AGBL4: variants seen among roughly 807,000 people sequenced by gnomAD.
The protein encoded by AGBL4 is cytosolic carboxypeptidase 6.
In AGBL4, 58 loss-of-function variants were observed where a neutral mutation model predicts 66.4. The observed-to-expected ratio is 0.87, with a 90% CI of 0.71 to 1.09. AGBL4 has a LOEUF of 1.09. Ranked by LOEUF, AGBL4 falls within the 50% of genes least tolerant of loss-of-function variation. AGBL4 has a pLI of 0.00. For synonymous variants in AGBL4, 234 were observed against 222.9 expected (o/e 1.05, Z -0.44); for missense variants, 579 against 631.0 (o/e 0.92, Z 0.88).
chr1:48,534,221 C>T lies in AGBL4; in HGVS notation c.1464G>A (p.Gly488=), dbSNP rs1343603099. The T allele has an allele frequency of 6.4e-7, 1 of 1,551,638 alleles. No homozygotes were observed. Among genetic ancestry groups the T allele is most frequent in the African/African-American group, 1.4e-5 (1 of 73,114 alleles). The change falls in exon 14 of 14, where the codon GGG becomes GGA. Residue 488 remains glycine (G), a synonymous_variant. Transcript: ENST00000371839. ...TGTGGTTCACTGAGCTCTTCTTGTC[C>T]CCTTTGCTGTTGGGGTAGTTGCTGG... ...GPASNYPNSK[G]DKKSSVNHKD... is the part of the protein sequence containing the mutation.
chr1:49,193,703 A>ATT lies in AGBL4; in HGVS notation c.377+52065_377+52066dup, dbSNP rs34504540. Among the ~76,000 whole-genome samples the ATT allele has an allele frequency of 1.0e-4, 15 of 144,974 alleles. No homozygotes were observed. In the East Asian group the frequency reaches 2.6e-3, roughly 25 times the overall value. ...CCACCGTGCCAGGCTAATTTTTTGT[A>ATT]TTTTTTTTTTTAGTAGAGATGGGGT... On this transcript the variant is annotated intron_variant, in intron 4 of 13. Coordinates refer to ENST00000371839, the MANE Select transcript of AGBL4 (RefSeq NM_032785.4).
At chr1:49,996,418 T>C (rs916392672) in intron 1 of AGBL4, among the ~76,000 whole-genome samples, 4 of 151,742 alleles carry the variant, frequency 2.6e-5, no homozygotes, top group Admixed American at 6.6e-5. Context: ...AAATGCAAAA[T>C]ACATTGGAAA....
intron 6 of AGBL4, among the ~76,000 whole-genome samples, chr1:48,696,317 T>G (rs1425090968): frequency 1.3e-5 from 2 of 152,134 alleles, no homozygotes; most frequent in Non-Finnish European, 2.9e-5. Context: ...TCACTCACGT[T>G]GAGCTTGGAA....
At chr1:49,551,029 G>C (rs555627640) in intron 3 of AGBL4, among the ~76,000 whole-genome samples, 20 of 152,150 alleles carry the variant, frequency 1.3e-4, no homozygotes, top group Non-Finnish European at 2.2e-4. Flanking sequence ...GTTGGATTGG[G>C]TTAATTAAAA....
chr1:49,716,446 G>A (rs757926476), intron 2 of AGBL4, among the ~76,000 whole-genome samples: 9 of 151,796 alleles, frequency 5.9e-5, no homozygotes, highest in Non-Finnish European at 1.0e-4. Context: ...CTCCTTTTTG[G>A]TTCCGTATGA....
intron 5 of AGBL4, among the ~76,000 whole-genome samples, chr1:48,893,817 C>G (rs1318379726): frequency 6.6e-6 from 1 of 152,126 alleles, no homozygotes; most frequent in Non-Finnish European, 1.5e-5. Flanking sequence ...TCAGCAGAAC[C>G]CAACCATGCT....
chr1:48,562,485 C>T (rs1644411334), intron 11 of AGBL4, among the ~76,000 whole-genome samples: 2 of 152,134 alleles, frequency 1.3e-5, no homozygotes, highest in African/African-American at 4.8e-5. Flanking sequence ...TTCCTAGATT[C>T]CCCAAGTTTG....
rs150170632 is a variant in AGBL4 at position 49,150,735 on chromosome 1, C to G, written c.377+95035G>C. Among the ~76,000 whole-genome samples the G allele has an allele frequency of 1.6e-3, 242 of 152,260 alleles. 4 individuals are homozygous for G. Among genetic ancestry groups the G allele is most frequent in the African/African-American group, 5.7e-3 (235 of 41,554 alleles). On this transcript the variant is annotated intron_variant, in intron 4 of 13. Transcript: ENST00000371839. Reference sequence around the variant, plus strand: ...GATTCCATCAGCAACATCACTTCCTCCAGGCACCCTTCTCGGATCCCTCAA... The same window carrying G: ...GATTCCATCAGCAACATCACTTCCTGCAGGCACCCTTCTCGGATCCCTCAA...
chr1:49,815,168 C>G (rs1571625846), intron 2 of AGBL4, among the ~76,000 whole-genome samples: 1 of 152,150 alleles, frequency 6.6e-6, no homozygotes, highest in South Asian at 2.1e-4. Flanking sequence ...GACCCTAACC[C>G]TCCACTACCC....
At chr1:49,189,426 T>C (rs561601730) in intron 4 of AGBL4, among the ~76,000 whole-genome samples, 3 of 152,344 alleles carry the variant, frequency 2.0e-5, no homozygotes, top group African/African-American at 7.2e-5. Flanking sequence ...ATCCTTAATG[T>C]AACATATCAA....
intron 1 of AGBL4, among the ~76,000 whole-genome samples, chr1:49,918,405 T>A (rs1651811349): frequency 6.6e-6 from 1 of 152,004 alleles, no homozygotes; most frequent in Non-Finnish European, 1.5e-5. Flanking sequence ...AAAGGGGATA[T>A]CACCACCGAT....
At chr1:48,820,220 T>A (rs1432652943) in intron 6 of AGBL4, among the ~76,000 whole-genome samples, 3 of 152,154 alleles carry the variant, frequency 2.0e-5, no homozygotes, top group African/African-American at 7.2e-5. Context: ...CCCTGGGACT[T>A]CCTTAGAAAA....
At chr1:49,278,429 C>T (rs1019751422) in intron 3 of AGBL4, among the ~76,000 whole-genome samples, 1 of 152,146 alleles carries the variant, frequency 6.6e-6, no homozygotes, top group Non-Finnish European at 1.5e-5. Flanking sequence ...CTTTCCCTTT[C>T]TCAAAGCACC....
chr1:49,830,588 C>T (rs986484546), intron 2 of AGBL4, among the ~76,000 whole-genome samples: 1 of 152,162 alleles, frequency 6.6e-6, no homozygotes, highest in African/African-American at 2.4e-5. Context: ...GTTTCCTTTG[C>T]TGTGCAGAAG....
At chr1:48,589,638 T>C (rs528345625) in intron 10 of AGBL4, among the ~76,000 whole-genome samples, 4 of 152,316 alleles carry the variant, frequency 2.6e-5, no homozygotes, top group East Asian at 1.9e-4. Flanking sequence ...GCATGTGAGA[T>C]TGGTAGTAAC....
intron 5 of AGBL4, among the ~76,000 whole-genome samples, chr1:48,984,678 T>C (rs1290290417): frequency 6.6e-6 from 1 of 151,732 alleles, no homozygotes; most frequent in East Asian, 2.0e-4. Flanking sequence ...TGCCTATATA[T>C]GTTCCCATGA....
intron 3 of AGBL4, among the ~76,000 whole-genome samples, chr1:49,464,085 C>A (rs1402098934): frequency 1.3e-5 from 2 of 151,606 alleles, no homozygotes; most frequent in African/African-American, 4.8e-5. Context: ...GAAAGACAAA[C>A]AGAATCAGAG....
At chr1:49,790,175 A>G (rs1644559273) in intron 2 of AGBL4, among the ~76,000 whole-genome samples, 1 of 151,988 alleles carries the variant, frequency 6.6e-6, no homozygotes, top group African/African-American at 2.4e-5. Context: ...TCAAGAGTTC[A>G]AGACCAGCCT....
At chr1:49,378,025 T>C (rs1267346825) in intron 3 of AGBL4, among the ~76,000 whole-genome samples, 5 of 145,508 alleles carry the variant, frequency 3.4e-5, no homozygotes, top group Admixed American at 6.7e-5. Context: ...TCATGCCTTG[T>C]CTCCCAACAC....
Sources: gnomAD v4.1 joint callset for allele counts (sites outside exome capture counted in the v4.1 genomes callset) on GRCh38, gnomAD v4.1.1 for gene constraint, MANE v1.5 for transcripts, NCBI Gene and HGNC (gene_info 2026-07-23, HGNC 2026-07-21) for gene names.